Variants in ZYG11A observed in about 807,000 individuals in gnomAD.
ZYG11A encodes the protein protein zyg-11 homolog A.
ZYG11A carries 62 observed loss-of-function variants against 77.2 expected under a neutral mutation model. The observed-to-expected ratio is 0.80, with a 90% CI of 0.65 to 0.99. The LOEUF is 0.99. ZYG11A is among the 50% of genes least tolerant of loss of function. The pLI, the probability that ZYG11A is intolerant of heterozygous loss-of-function variation, is 0.00. For missense variants in ZYG11A, 828 were observed against 896.8 expected, an observed-to-expected ratio of 0.92 and a Z score of 0.98; for synonymous variants, 315 against 324.6, an observed-to-expected ratio of 0.97 and a Z score of 0.32.
At chr1:52,870,532 T>C (rs1041442913) in intron 8 of ZYG11A, among the ~76,000 whole-genome samples, 2 of 152,150 alleles carry the variant, frequency 1.3e-5, no homozygotes, top group Admixed American at 6.5e-5. Flanking sequence ...GAGGTTGTAG[T>C]GAGCCGAGAT....
intron 1 of ZYG11A, among the ~76,000 whole-genome samples, chr1:52,852,347 C>G (rs554652524): frequency 6.6e-6 from 1 of 150,802 alleles, no homozygotes; most frequent in African/African-American, 2.4e-5. Flanking sequence ...GCACCTGGCC[C>G]GACAGTTAAT....
At chr1:52,865,216 C>T (rs922796706) in intron 5 of ZYG11A, among the ~76,000 whole-genome samples, 1 of 151,956 alleles carries the variant, frequency 6.6e-6, no homozygotes, top group African/African-American at 2.4e-5. Context: ...GCTGGGATTA[C>T]AGGAGGGAGC....
intron 10 of ZYG11A, among the ~76,000 whole-genome samples, chr1:52,878,976 CA>C (rs886190752): frequency 3.7e-5 from 2 of 53,364 alleles, no homozygotes; most frequent in East Asian, 6.2e-4. Context: ...AAAAAAAAAA[CA>C]AACCAAAAAA....
chr1:52,843,957 A>G (rs1259545693), intron 1 of ZYG11A, among the ~76,000 whole-genome samples: 2 of 152,068 alleles, frequency 1.3e-5, no homozygotes, highest in Admixed American at 1.3e-4. Flanking sequence ...GAGTGCTGGG[A>G]TTACAGGCGT....
Position 52,867,958 on chromosome 1 carries a change from C to CTTTTT in ZYG11A, c.1542+203_1542+207dup, listed in dbSNP as rs1050261180. ...TCTTTTGGTATGTACCTCCACATTT[C>CTTTTT]TTTTTTTTTTTTTTTTTTTTTTTTT... On this transcript the variant is annotated intron_variant, in intron 8 of 13. Transcript: ENST00000371528. Among the ~76,000 whole-genome samples the CTTTTT allele has an allele frequency of 1.8e-4, 18 of 98,176 alleles. 3 individuals are homozygous for CTTTTT. Among genetic ancestry groups the CTTTTT allele is most frequent in the East Asian group, 1.0e-3 (2 of 1,926 alleles). The allele number at this position is 98,176 out of a possible 152,430, so 64.4% of individuals were successfully genotyped here. A position where few individuals can be genotyped will look rare whatever the true frequency, so the allele number is the denominator to read the frequency against.
intron 8 of ZYG11A, among the ~76,000 whole-genome samples, chr1:52,876,390 C>G (rs1169119021): frequency 6.6e-6 from 1 of 151,980 alleles, no homozygotes; most frequent in African/African-American, 2.4e-5. Flanking sequence ...CATAAAGTTG[C>G]TGGGAGGGGT....
chr1:52,864,224 A>ACTCT, intron 5 of ZYG11A, 67 bp downstream of exon 5: 1 of 1,444,506 alleles, frequency 6.9e-7, no homozygotes, highest in South Asian at 1.3e-5. Context: ...TCTGTTGCCC[A>ACTCT]GGCCAGAGTG....
intron 1 of ZYG11A, among the ~76,000 whole-genome samples, chr1:52,852,350 C>G (rs1292584768): frequency 6.7e-6 from 1 of 149,810 alleles, no homozygotes; most frequent in Non-Finnish European, 1.5e-5. Context: ...CCTGGCCCGA[C>G]AGTTAATTTT....
chr1:52,845,603 C>T (rs1345733460), intron 1 of ZYG11A, among the ~76,000 whole-genome samples: 2 of 150,886 alleles, frequency 1.3e-5, no homozygotes, highest in Non-Finnish European at 2.9e-5. Flanking sequence ...GGATTACAGG[C>T]GTGAACCACT....
chr1:52,845,923 C>T (rs1464443942), intron 1 of ZYG11A, among the ~76,000 whole-genome samples: 1 of 152,074 alleles, frequency 6.6e-6, no homozygotes, highest in East Asian at 1.9e-4. Context: ...TCCCAAAGTT[C>T]TGGGATTCCA....
intron 10 of ZYG11A, 103 bp from the exon 11 acceptor site, chr1:52,881,368 T>G: frequency 1.2e-6 from 1 of 804,334 alleles, no homozygotes; most frequent in African/African-American, 1.7e-5. Context: ...GAATAAGAGT[T>G]CTGAATTTAT....
chr1:52,859,377 C>T (rs910187013), intron 3 of ZYG11A, among the ~76,000 whole-genome samples: 15 of 151,926 alleles, frequency 9.9e-5, no homozygotes, highest in African/African-American at 3.4e-4. Context: ...GCTCTGTCGC[C>T]CAGGCTGGAG....
intron 3 of ZYG11A, 90 bp downstream of exon 3, chr1:52,857,839 G>A: frequency 2.7e-6 from 3 of 1,125,300 alleles, no homozygotes; most frequent in Admixed American, 3.3e-5. Flanking sequence ...AGGTATTAGG[G>A]TTACAGAGAC....
intron 8 of ZYG11A, among the ~76,000 whole-genome samples, chr1:52,870,414 C>T (rs1038108579): frequency 2.7e-5 from 4 of 149,774 alleles, no homozygotes; most frequent in Non-Finnish European, 4.4e-5. Flanking sequence ...ACATCCCAGA[C>T]GATGGGCGGC....
intron 8 of ZYG11A, among the ~76,000 whole-genome samples, chr1:52,874,023 AG>A (rs1646217345): frequency 6.6e-6 from 1 of 151,484 alleles, no homozygotes; most frequent in Admixed American, 6.6e-5. Flanking sequence ...AAGAGAACGA[AG>A]TTCTTTCTTG....
intron 8 of ZYG11A, among the ~76,000 whole-genome samples, chr1:52,870,028 C>T (rs535762139): frequency 2.9e-4 from 43 of 148,290 alleles, no homozygotes; most frequent in Non-Finnish European, 6.0e-4. Context: ...ACTTCTCAGA[C>T]GGGGCGGCCA....
intron 13 of ZYG11A, among the ~76,000 whole-genome samples, chr1:52,889,798 G>A (rs1452410225): frequency 1.3e-5 from 2 of 149,762 alleles, no homozygotes; most frequent in African/African-American, 4.9e-5. Context: ...TGCAAGCTCT[G>A]CCTCCCGGGT....
At chr1:52,861,748 A>G (rs953783498) in intron 4 of ZYG11A, among the ~76,000 whole-genome samples, 5 of 152,160 alleles carry the variant, frequency 3.3e-5, no homozygotes, top group African/African-American at 1.2e-4. Flanking sequence ...ACAGCTCAAA[A>G]GCTGTATAAA....
intron 8 of ZYG11A, among the ~76,000 whole-genome samples, chr1:52,873,662 CAG>C (rs1377224623): frequency 6.6e-6 from 1 of 152,102 alleles, no homozygotes; most frequent in Non-Finnish European, 1.5e-5. Context: ...GAGACAGCAG[CAG>C]AGTTTGAAAG....
Sources: gnomAD v4.1 joint callset for allele counts (sites outside exome capture counted in the v4.1 genomes callset) on GRCh38, gnomAD v4.1.1 for gene constraint, MANE v1.5 for transcripts, NCBI Gene and HGNC (gene_info 2026-07-23, HGNC 2026-07-21) for gene names.